NCKAP5: variants seen among roughly 807,000 people sequenced by gnomAD.
NCKAP5 encodes the protein nck-associated protein 5.
In NCKAP5, 92 loss-of-function variants were observed where a neutral mutation model predicts 167.0. The observed-to-expected ratio is 0.55, with a 90% CI of 0.47 to 0.66. The LOEUF is 0.66. Among genes scored for constraint, NCKAP5 ranks in the 30% least tolerant of loss-of-function variants. The pLI is 0.00. For missense variants in NCKAP5, 2,378 were observed against 2,315.0 expected (o/e 1.03, Z -0.56); for synonymous variants, 891 against 877.4 (o/e 1.02, Z -0.27).
At position 133,531,072 on chromosome 2, in the gene NCKAP5, A is replaced by G. The variant is rs138771983; in HGVS notation, c.-61-13485T>C. On this transcript the variant is annotated intron_variant, in intron 2 of 19. Transcript: ENST00000409261. ...GGGGTGGTATTTTGGGCAGCAACAG[A>G]TAATTAATTTGGGTCACTGTGTTGT... is the stretch of plus-strand genomic sequence containing the variant. Among the ~76,000 whole-genome samples the G allele has an allele frequency of 1.1e-3, 161 of 152,086 alleles. 1 individual carries two copies. Among genetic ancestry groups the G allele is most frequent in the African/African-American group, 3.8e-3 (158 of 41,492 alleles).
intron 3 of NCKAP5, among the ~76,000 whole-genome samples, chr2:133,499,451 C>A (rs1347989261): frequency 6.6e-6 from 1 of 152,182 alleles, no homozygotes; most frequent in Non-Finnish European, 1.5e-5. Context: ...AAACCAACAC[C>A]AGGTGGACAC....
At chr2:133,056,215 T>A (rs2079794888) in intron 6 of NCKAP5, among the ~76,000 whole-genome samples, 1 of 152,160 alleles carries the variant, frequency 6.6e-6, no homozygotes, top group African/African-American at 2.4e-5. Flanking sequence ...AGTGTCCAGG[T>A]CAACTCTGGA....
At chr2:132,696,336 G>A (rs1337170795) in intron 19 of NCKAP5, among the ~76,000 whole-genome samples, 1 of 152,230 alleles carries the variant, frequency 6.6e-6, no homozygotes, top group Non-Finnish European at 1.5e-5. Context: ...ATTTTTGTGA[G>A]CAGTTAATGC....
chr2:133,053,578 T>C (rs964545628), intron 6 of NCKAP5, among the ~76,000 whole-genome samples: 1 of 152,234 alleles, frequency 6.6e-6, no homozygotes, highest in African/African-American at 2.4e-5. Flanking sequence ...TAACTTTCTT[T>C]ACTTTCTGAA....
chr2:133,170,674 C>G (rs1455773958), intron 5 of NCKAP5, among the ~76,000 whole-genome samples: 1 of 152,224 alleles, frequency 6.6e-6, no homozygotes, highest in African/African-American at 2.4e-5. Context: ...GGAACATACA[C>G]AGCCTATTTT....
At chr2:133,315,568 G>A (rs539226355) in intron 3 of NCKAP5, among the ~76,000 whole-genome samples, 1 of 151,806 alleles carries the variant, frequency 6.6e-6, no homozygotes, top group South Asian at 2.1e-4. Context: ...GACATCGAAT[G>A]GGATTACCTG....
At chr2:132,860,819 A>C (rs112456573) in intron 10 of NCKAP5, among the ~76,000 whole-genome samples, 5 of 152,342 alleles carry the variant, frequency 3.3e-5, no homozygotes, top group African/African-American at 1.2e-4. Context: ...TTTTTTAAAA[A>C]AGCACCTTGA....
At chr2:133,074,638 AG>A (rs2080535977) in intron 6 of NCKAP5, among the ~76,000 whole-genome samples, 3 of 152,214 alleles carry the variant, frequency 2.0e-5, no homozygotes, top group Admixed American at 2.0e-4. Flanking sequence ...CAGGTATTAC[AG>A]GTGTGAGCCA....
chr2:133,211,083 A>C (rs1273555914), intron 5 of NCKAP5, among the ~76,000 whole-genome samples: 1 of 147,030 alleles, frequency 6.8e-6, no homozygotes, highest in African/African-American at 2.5e-5. Context: ...GCCCGCATGC[A>C]GTCCCCTGGC....
At chr2:132,814,015 T>C (rs1365343240) in intron 11 of NCKAP5, among the ~76,000 whole-genome samples, 2 of 152,226 alleles carry the variant, frequency 1.3e-5, no homozygotes, top group Non-Finnish European at 2.9e-5. Flanking sequence ...TACAGCTCAA[T>C]GTCCTGGTTT....
At chr2:133,328,818 C>T (rs1228274743) in intron 3 of NCKAP5, among the ~76,000 whole-genome samples, 1 of 152,174 alleles carries the variant, frequency 6.6e-6, no homozygotes, top group African/African-American at 2.4e-5. Flanking sequence ...ATTTCAACCT[C>T]AGATGAGCAG....
At chr2:132,898,961 C>G (rs937879942) in intron 8 of NCKAP5, among the ~76,000 whole-genome samples, 1 of 152,192 alleles carries the variant, frequency 6.6e-6, no homozygotes, top group Non-Finnish European at 1.5e-5. Context: ...TAGTGCCTAA[C>G]AAGAGAGTCA....
Position 133,471,042 on chromosome 2 carries a change from G to T in NCKAP5, c.69+46416C>A, listed in dbSNP as rs528463796. On this transcript the variant is annotated intron_variant, in intron 3 of 19. Transcript: ENST00000409261. ...CGGCCATCTTGGCTCCTCCCCCCCT[G>T]CTTTTGCTTTTATGTACTGATCATC... 6.6e-5 allele frequency among the ~76,000 whole-genome samples: 10 copies of T among 152,190 alleles called. No individual in the cohort carries two copies. The South Asian group carries it at 2.1e-3, about 32-fold the overall frequency.
At chr2:133,012,432 A>C (rs2078192720) in intron 6 of NCKAP5, among the ~76,000 whole-genome samples, 2 of 152,090 alleles carry the variant, frequency 1.3e-5, no homozygotes, top group Admixed American at 1.3e-4. Context: ...TATTTTTAGT[A>C]GGGACGGGGG....
At chr2:133,620,785 G>C in the NCKAP5 span, among the ~76,000 whole-genome samples, 3 of 152,002 alleles carry the variant, frequency 2.0e-5, no homozygotes, top group Admixed American at 1.3e-4. Flanking sequence ...ACAGATATTT[G>C]CAGAACATTC....
intron 3 of NCKAP5, among the ~76,000 whole-genome samples, chr2:133,455,259 G>T (rs1559496875): frequency 6.6e-6 from 1 of 152,190 alleles, no homozygotes; most frequent in East Asian, 1.9e-4. Context: ...ACATCTCGAT[G>T]AAGTTTATGC....
At chr2:132,752,305 C>T (rs970115169) in intron 16 of NCKAP5, among the ~76,000 whole-genome samples, 9 of 152,230 alleles carry the variant, frequency 5.9e-5, no homozygotes, top group Non-Finnish European at 1.2e-4. Context: ...AGAAGGCATA[C>T]TCCTCTGTGA....
chr2:133,112,871 T>G (rs1294181485), intron 6 of NCKAP5, among the ~76,000 whole-genome samples: 1 of 152,242 alleles, frequency 6.6e-6, no homozygotes, highest in Non-Finnish European at 1.5e-5. Flanking sequence ...AGCTGACTGT[T>G]TTATTTCTAT....
chr2:133,226,935 C>T (rs2086919820), intron 4 of NCKAP5, among the ~76,000 whole-genome samples: 1 of 152,140 alleles, frequency 6.6e-6, no homozygotes, highest in Non-Finnish European at 1.5e-5. Context: ...TGTACATAAT[C>T]CATCTCTATA....
Sources: gnomAD v4.1 joint callset for allele counts (sites outside exome capture counted in the v4.1 genomes callset) on GRCh38, gnomAD v4.1.1 for gene constraint, MANE v1.5 for transcripts, NCBI Gene and HGNC (gene_info 2026-07-23, HGNC 2026-07-21) for gene names.